Variants in RBFOX1 observed in about 807,000 individuals in gnomAD.
RBFOX1 encodes RNA binding fox-1 homolog 1.
In RBFOX1, 8 loss-of-function variants were observed where a neutral mutation model predicts 57.7. That is an observed-to-expected ratio of 0.14 (90% confidence interval 0.08 to 0.25). RBFOX1 has a LOEUF of 0.25. Among genes scored for constraint, RBFOX1 ranks in the 10% least tolerant of loss-of-function variants. The probability of loss-of-function intolerance (pLI) is 1.00; values close to 1 mark genes in which losing one functional copy is unlikely to be tolerated. For missense variants in RBFOX1, 611 were observed against 548.5 expected, an observed-to-expected ratio of 1.11 and a Z score of -1.14; for synonymous variants, 326 against 222.4, an observed-to-expected ratio of 1.47 and a Z score of -4.15.
At chr16:7,183,160 G>A (rs982575747) in intron 4 of RBFOX1, among the ~76,000 whole-genome samples, 4 of 152,178 alleles carry the variant, frequency 2.6e-5, no homozygotes, top group Non-Finnish European at 4.4e-5. Flanking sequence ...ATTAGTTGAG[G>A]CAGAGTGGGT....
At chr16:6,512,600 T>C (rs1323270556) in intron 2 of RBFOX1, among the ~76,000 whole-genome samples, 1 of 152,216 alleles carries the variant, frequency 6.6e-6, no homozygotes, top group Non-Finnish European at 1.5e-5. Flanking sequence ...CACCCATGAC[T>C]GATCCTAGGA....
chr16:7,479,644 C>A (rs889552251), intron 4 of RBFOX1, among the ~76,000 whole-genome samples: 7 of 152,152 alleles, frequency 4.6e-5, no homozygotes, highest in Non-Finnish European at 1.0e-4. Flanking sequence ...GCAGCTTCTT[C>A]TGCTTTTGTT....
intron 4 of RBFOX1, among the ~76,000 whole-genome samples, chr16:5,989,408 T>C (rs1170704166): frequency 6.6e-6 from 1 of 152,008 alleles, no homozygotes. Flanking sequence ...TGAGAAAATA[T>C]GCAGGAAGAA....
intron 3 of RBFOX1, among the ~76,000 whole-genome samples, chr16:6,877,377 C>G (rs866004525): frequency 1.3e-5 from 2 of 152,150 alleles, no homozygotes; most frequent in African/African-American, 2.4e-5. Flanking sequence ...TCTCTAATAA[C>G]TGACATAACT....
At chr16:6,306,698 A>G (rs1238722495) in intron 1 of RBFOX1, among the ~76,000 whole-genome samples, 1 of 152,184 alleles carries the variant, frequency 6.6e-6, no homozygotes, top group African/African-American at 2.4e-5. Context: ...AATTTTGTGC[A>G]ATGCCTGTAA....
intron 3 of RBFOX1, among the ~76,000 whole-genome samples, chr16:5,817,285 C>G (rs753479452): frequency 3.3e-5 from 5 of 152,138 alleles, no homozygotes; most frequent in Non-Finnish European, 5.9e-5. Context: ...GCTTTGAAAT[C>G]CATATTCTTC....
intron 1 of RBFOX1, among the ~76,000 whole-genome samples, chr16:6,141,958 C>G (rs2096719245): frequency 6.6e-6 from 1 of 151,404 alleles, no homozygotes; most frequent in Admixed American, 6.6e-5. Flanking sequence ...GCTCGGGAGG[C>G]TGAGGCAGAA....
At position 6,009,215 on chromosome 16, in the gene RBFOX1, C is replaced by A. The variant is rs964250024; in HGVS notation, c.351+141880C>A. 8.6e-5 allele frequency among the ~76,000 whole-genome samples: 13 copies of A among 151,908 alleles called. 1 individual carries two copies. Among genetic ancestry groups the A allele is most frequent in the African/African-American group, 3.1e-4 (13 of 41,430 alleles). ...TCCAGGATGACTGCCACTTCGTGGTCTCTAAAAAAGACCTACCAAAAAGCC... is the reference window on the plus strand; with the variant it reads ...TCCAGGATGACTGCCACTTCGTGGTATCTAAAAAAGACCTACCAAAAAGCC... On this transcript the variant is annotated intron_variant, in intron 4 of 19. Coordinates refer to the RBFOX1 transcript ENST00000641259.
At chr16:5,409,259 A>G (rs981210136) in intron 1 of RBFOX1, among the ~76,000 whole-genome samples, 2 of 152,300 alleles carry the variant, frequency 1.3e-5, no homozygotes, top group Admixed American at 1.3e-4. Context: ...GCTGCGATGG[A>G]CAGTGTTCAC....
chr16:7,671,512 A>C, intron 13 of RBFOX1: 5 of 1,527,966 alleles, frequency 3.3e-6, no homozygotes, highest in Non-Finnish European at 4.5e-6. Flanking sequence ...TCTTTTATTT[A>C]TTTCATTTTT....
chr16:7,420,179 C>T (rs1260891548), intron 4 of RBFOX1, among the ~76,000 whole-genome samples: 1 of 151,996 alleles, frequency 6.6e-6, no homozygotes, highest in Non-Finnish European at 1.5e-5. Flanking sequence ...AAATATTCTG[C>T]CGTGGTAATT....
intron 4 of RBFOX1, among the ~76,000 whole-genome samples, chr16:7,064,684 C>T (rs547351822): frequency 1.5e-4 from 23 of 152,208 alleles, no homozygotes; most frequent in Non-Finnish European, 2.6e-4. Context: ...TACTTTGTTA[C>T]GGTAGCCCTA....
chr16:7,436,632 C>T (rs749046141), intron 4 of RBFOX1, among the ~76,000 whole-genome samples: 2 of 152,252 alleles, frequency 1.3e-5, no homozygotes, highest in Non-Finnish European at 2.9e-5. Flanking sequence ...TCTTTGCTAT[C>T]AGGCATTTGC....
chr16:6,257,836 T>C (rs2097677932), intron 1 of RBFOX1, among the ~76,000 whole-genome samples: 1 of 152,154 alleles, frequency 6.6e-6, no homozygotes. Context: ...AATGGGCATT[T>C]AGGTTGTTTC....
intron 3 of RBFOX1, among the ~76,000 whole-genome samples, chr16:5,694,796 T>G (rs909473414): frequency 8.5e-4 from 27 of 31,782 alleles, no homozygotes; most frequent in African/African-American, 1.4e-3. Context: ...GAGTTGGGTT[T>G]GTTTTTGTTT....
At chr16:6,853,877 G>C (rs1443571453) in intron 3 of RBFOX1, among the ~76,000 whole-genome samples, 2 of 152,138 alleles carry the variant, frequency 1.3e-5, no homozygotes, top group African/African-American at 2.4e-5. Flanking sequence ...GGTTAATATA[G>C]CCAGGGCCAG....
Position 6,019,670 on chromosome 16 carries a change from G to A in RBFOX1, c.-449G>A, listed in dbSNP as rs948743417. ...AGCCGTGGGCCCCGCCCCGGCGTCC[G>A]GAGCAGGAGAACTCCGAGCTTCTTG... On this transcript the variant is annotated 5_prime_UTR_variant, in exon 1 of 16. Transcript: ENST00000550418. This position sits in a 1 kb window ranked among gnomAD's most constrained non-coding sequence, Gnocchi z 4.2. 5 of 1,302,952 alleles carry A rather than the reference G, an allele frequency of 3.8e-6. No individual in the cohort carries two copies. Among genetic ancestry groups the A allele is most frequent in the Non-Finnish European group, 4.9e-6 (5 of 1,025,622 alleles). The allele number at this position is 1,302,952 out of a possible 1,614,324, so 80.7% of individuals were successfully genotyped here.
intron 4 of RBFOX1, among the ~76,000 whole-genome samples, chr16:7,251,148 A>C (rs924656311): frequency 3.9e-5 from 6 of 152,096 alleles, no homozygotes; most frequent in African/African-American, 1.4e-4. Flanking sequence ...CCATTCACCA[A>C]CATCTCCCCA....
At chr16:7,041,700 T>C (rs960837461) in intron 3 of RBFOX1, among the ~76,000 whole-genome samples, 1 of 152,310 alleles carries the variant, frequency 6.6e-6, no homozygotes, top group Non-Finnish European at 1.5e-5. Flanking sequence ...AAAAGTGTCA[T>C]TAATTTAGCC....
Sources: gnomAD v4.1 joint callset for allele counts (sites outside exome capture counted in the v4.1 genomes callset) on GRCh38, gnomAD v4.1.1 for gene constraint, Gnocchi (gnomAD v3.1) non-coding constraint, MANE v1.5 for transcripts, NCBI Gene and HGNC (gene_info 2026-07-23, HGNC 2026-07-21) for gene names.